The following TBC1D31 variants were observed in gnomAD, a reference collection of about 807,000 sequenced individuals.
The protein encoded by TBC1D31 is TBC1 domain family member 31.
TBC1D31 carries 99 observed loss-of-function variants against 132.9 expected under a neutral mutation model. The ratio of observed to expected loss-of-function variants is 0.74; its 90% CI spans 0.63 to 0.88. The LOEUF is 0.88. Ranked by LOEUF, TBC1D31 falls within the 40% of genes least tolerant of loss-of-function variation. The pLI is 0.00. For missense variants in TBC1D31, 1,134 were observed against 1,256.6 expected (o/e 0.90, Z 1.48); for synonymous variants, 385 against 419.4 (o/e 0.92, Z 1.00).
intron 20 of TBC1D31, among the ~76,000 whole-genome samples, chr8:123,146,874 G>A (rs564237286): frequency 8.6e-5 from 13 of 151,754 alleles, no homozygotes; most frequent in African/African-American, 1.2e-4. Flanking sequence ...ATGGGGTTTC[G>A]CCATGTTGCC....
intron 20 of TBC1D31, among the ~76,000 whole-genome samples, chr8:123,145,871 CTT>C (rs57816964): frequency 1.4e-4 from 19 of 133,470 alleles, no homozygotes; most frequent in South Asian, 2.4e-4. Flanking sequence ...TTCTCTTTTT[CTT>C]TTTTTTTTTT....
chr8:123,160,501 CAGGAGG>C, the TBC1D31 span, among the ~76,000 whole-genome samples: 3 of 151,692 alleles, frequency 2.0e-5, no homozygotes, highest in Non-Finnish European at 4.4e-5. Context: ...GCAGGAGGAG[CAGGAGG>C]AGGAGGAGGC....
intron 4 of TBC1D31, among the ~76,000 whole-genome samples, chr8:123,087,185 T>G (rs1815853764): frequency 6.6e-6 from 1 of 152,228 alleles, no homozygotes; most frequent in Non-Finnish European, 1.5e-5. Flanking sequence ...GTGGCATTGC[T>G]AGGTTGTTTT....
At chr8:123,134,350 T>C (rs1260784529) in intron 17 of TBC1D31, 144 bp downstream of exon 17, 1 of 611,442 alleles carries the variant, frequency 1.6e-6, no homozygotes, top group Non-Finnish European at 2.9e-6. Flanking sequence ...CTGGGCAATA[T>C]AGTGAGACCC....
the TBC1D31 span, among the ~76,000 whole-genome samples, chr8:123,159,649 G>A: frequency 6.6e-6 from 1 of 152,138 alleles, no homozygotes; most frequent in Non-Finnish European, 1.5e-5. Flanking sequence ...AAAATTAGCC[G>A]GGTGTGGTGG....
At chr8:123,128,564 A>T (rs930331159) in intron 14 of TBC1D31, 51 bp downstream of exon 14, 3 of 1,193,574 alleles carry the variant, frequency 2.5e-6, no homozygotes, top group African/African-American at 4.2e-5. Context: ...TATGTTATAA[A>T]CATAAGAAAG....
chr8:123,087,059 G>A (rs958603165), intron 4 of TBC1D31, among the ~76,000 whole-genome samples: 9 of 152,304 alleles, frequency 5.9e-5, no homozygotes, highest in Admixed American at 3.3e-4. Flanking sequence ...CAAAATGTTA[G>A]AAGTGGAGAA....
intron 4 of TBC1D31, among the ~76,000 whole-genome samples, chr8:123,085,699 G>A (rs372604211): frequency 1.3e-5 from 2 of 152,148 alleles, no homozygotes; most frequent in South Asian, 2.1e-4. Context: ...GTGAGCCACC[G>A]CGCCGGGCCC....
Position 123,072,751 on chromosome 8 carries a change from G to T in TBC1D31, c.-19G>T. Reference sequence around the variant, plus strand: ...ACGGTTACCCAGCGGGCCGCCGGCGGTCGTGGGCAAGCTTCGCCATGCAGA... The same window carrying T: ...ACGGTTACCCAGCGGGCCGCCGGCGTTCGTGGGCAAGCTTCGCCATGCAGA... On this transcript the variant is annotated 5_prime_UTR_variant, in exon 1 of 22. Transcript: ENST00000287380. The T allele has an allele frequency of 6.4e-7, 1 of 1,554,098 alleles. No individual in the cohort carries two copies. The highest frequency in any genetic ancestry group is 2.4e-5 in the East Asian group (1 of 41,212).
the TBC1D31 span, among the ~76,000 whole-genome samples, chr8:123,159,832 G>T: frequency 2.0e-5 from 3 of 152,132 alleles, no homozygotes; most frequent in Non-Finnish European, 4.4e-5. Context: ...AATACGCTGA[G>T]GGGTGGCAAC....
intron 10 of TBC1D31, among the ~76,000 whole-genome samples, chr8:123,109,864 C>T (rs141804170): frequency 1.6e-3 from 240 of 152,166 alleles, no homozygotes; most frequent in African/African-American, 5.2e-3. Context: ...GAGGCCAAGG[C>T]GGGCAGATCA....
Position 123,150,079 on chromosome 8 carries a change from T to C in TBC1D31, c.3018T>C (p.Pro1006=). 1.2e-6 allele frequency: 2 copies of C among 1,614,116 alleles called. No individual in the cohort carries two copies. Among genetic ancestry groups the C allele is most frequent in the Non-Finnish European group, 1.7e-6 (2 of 1,179,988 alleles). ...FQNEQDSSCL[P]RTSQLNDSSE... ...ATGAACAGGACTCAAGCTGTTTGCC[T>C]AGAACCTCACAATTAAATGACTCTT... The change falls in exon 21 of 22, where the codon CCT becomes CCC. Residue 1006 remains proline (P), a synonymous_variant. Transcript: ENST00000287380.
chr8:123,147,036 A>G (rs1822281521), intron 20 of TBC1D31, among the ~76,000 whole-genome samples: 1 of 152,192 alleles, frequency 6.6e-6, no homozygotes, highest in African/African-American at 2.4e-5. Flanking sequence ...AATAGCACCA[A>G]GAGTACTTCA....
At chr8:123,163,740 A>G in the TBC1D31 span, among the ~76,000 whole-genome samples, 1 of 152,188 alleles carries the variant, frequency 6.6e-6, no homozygotes, top group Non-Finnish European at 1.5e-5. Flanking sequence ...TACATGGATA[A>G]GTTCTTTAGT....
At chr8:123,162,905 T>C in the TBC1D31 span, among the ~76,000 whole-genome samples, 2 of 152,110 alleles carry the variant, frequency 1.3e-5, no homozygotes, top group African/African-American at 4.8e-5. Context: ...CAATTTCAGC[T>C]CACTGCAACT....
intron 2 of TBC1D31, among the ~76,000 whole-genome samples, chr8:123,077,850 A>C (rs992883098): frequency 6.6e-6 from 1 of 152,126 alleles, no homozygotes; most frequent in Non-Finnish European, 1.5e-5. Context: ...GGAGTTCGAG[A>C]CCAGCTTGGC....
intron 4 of TBC1D31, among the ~76,000 whole-genome samples, chr8:123,092,357 T>C (rs888981172): frequency 6.6e-6 from 1 of 152,120 alleles, no homozygotes; most frequent in Middle Eastern, 3.2e-3. Context: ...TGGGAAGATA[T>C]ATATTTTAAG....
At chr8:123,082,459 A>T in intron 2 of TBC1D31, 1 of 400,170 alleles carries the variant, frequency 2.5e-6, no homozygotes, top group Non-Finnish European at 4.4e-6. Context: ...TGCTGCCAGG[A>T]TCGTCTTCCT....
intron 4 of TBC1D31, among the ~76,000 whole-genome samples, chr8:123,091,181 A>C (rs1816289251): frequency 6.6e-6 from 1 of 152,124 alleles, no homozygotes; most frequent in Non-Finnish European, 1.5e-5. Context: ...TAATAATGAC[A>C]TGCTTCATTA....
Sources: allele counts gnomAD v4.1 joint callset (sites outside exome capture counted in the v4.1 genomes callset), GRCh38; gene constraint gnomAD v4.1.1; transcripts MANE v1.5; gene names NCBI Gene and HGNC (gene_info 2026-07-23, HGNC 2026-07-21).